GRM5: variants seen among roughly 807,000 people sequenced by gnomAD.
GRM5 encodes glutamate metabotropic receptor 5.
Under a neutral mutation model 83.1 loss-of-function variants are expected in GRM5, and 19 were observed. That is an observed-to-expected ratio of 0.23 (90% confidence interval 0.16 to 0.34). GRM5 has a LOEUF of 0.34. Among genes scored for constraint, GRM5 ranks in the 10% least tolerant of loss-of-function variants. GRM5 has a pLI of 1.00. For synonymous variants in GRM5, 675 were observed against 633.6 expected (o/e 1.07, Z -0.98); for missense variants, 1,160 against 1,588.3 (o/e 0.73, Z 4.58).
intron 8 of GRM5, among the ~76,000 whole-genome samples, chr11:88,536,349 T>C (rs937599568): frequency 2.0e-5 from 3 of 152,096 alleles, no homozygotes; most frequent in Non-Finnish European, 4.4e-5. Flanking sequence ...CAGATCCATA[T>C]ACAAGTAATC....
chr11:88,676,748 A>G (rs1940339114), intron 3 of GRM5, among the ~76,000 whole-genome samples: 1 of 152,060 alleles, frequency 6.6e-6, no homozygotes, highest in African/African-American at 2.4e-5. Flanking sequence ...AAATACTTTT[A>G]AAGTGAAAAT....
intron 2 of GRM5, among the ~76,000 whole-genome samples, chr11:88,856,941 G>A (rs12806161): frequency 0.41 from 61,494 of 151,788 alleles, 12,596 homozygotes; most frequent in East Asian, 0.49. Flanking sequence ...TGTGTAACAC[G>A]CATACTGATC....
chr11:88,950,295 A>G (rs1238339171), intron 2 of GRM5, among the ~76,000 whole-genome samples: 1 of 152,072 alleles, frequency 6.6e-6, no homozygotes, highest in Non-Finnish European at 1.5e-5. Context: ...ATTGAAAAAA[A>G]ATAGGTAAAT....
chr11:88,732,288 G>A (rs1046491793), intron 3 of GRM5, among the ~76,000 whole-genome samples: 12 of 152,182 alleles, frequency 7.9e-5, no homozygotes, highest in African/African-American at 2.9e-4. Flanking sequence ...ATCAATTAAT[G>A]TTTTTCGAAT....
chr11:88,632,584 T>C (rs1480581894), intron 4 of GRM5, among the ~76,000 whole-genome samples: 2 of 152,210 alleles, frequency 1.3e-5, no homozygotes, highest in Admixed American at 6.6e-5. Context: ...TAATATTCCA[T>C]TACATGAATA....
chr11:88,753,984 T>C (rs1470186180), intron 3 of GRM5, among the ~76,000 whole-genome samples: 1 of 152,070 alleles, frequency 6.6e-6, no homozygotes, highest in Non-Finnish European at 1.5e-5. Context: ...CCCCCATGAT[T>C]CAATTATCTC....
chr11:88,702,462 A>G (rs1396715634), intron 3 of GRM5, among the ~76,000 whole-genome samples: 1 of 151,962 alleles, frequency 6.6e-6, no homozygotes. Flanking sequence ...AAACCCCTAT[A>G]TTTGTTGTGA....
At position 88,941,465 on chromosome 11, in the gene GRM5, AAGAG is replaced by A. The variant is rs1180204496; in HGVS notation, c.662-91314_662-91311del. Among the ~76,000 whole-genome samples, 29 of 114,106 alleles carry A rather than the reference AAGAG, an allele frequency of 2.5e-4. No homozygotes were observed. In the East Asian group the frequency reaches 5.2e-3, roughly 20 times the overall value. The allele number at this position is 114,106 out of a possible 152,430, so 74.9% of individuals were successfully genotyped here. ...GGGAGAAGAGGGGAGAAGAGAAGAG[AAGAG>A]AAGAGGGGAGGGGAGAGGAGGGGAG... On this transcript the variant is annotated intron_variant, in intron 2 of 9. Coordinates refer to ENST00000305447, the MANE Select transcript of GRM5 (RefSeq NM_001143831.3).
At chr11:88,962,000 A>G (rs1271400320) in intron 2 of GRM5, among the ~76,000 whole-genome samples, 2 of 152,216 alleles carry the variant, frequency 1.3e-5, no homozygotes, top group Non-Finnish European at 2.9e-5. Context: ...TATCCCCACA[A>G]AAACTTGCAA....
At chr11:88,664,349 G>C (rs1939984355) in intron 3 of GRM5, among the ~76,000 whole-genome samples, 3 of 151,702 alleles carry the variant, frequency 2.0e-5, no homozygotes, top group Admixed American at 6.6e-5. Flanking sequence ...AAAATGGATG[G>C]TTGTGTCTGT....
rs201181291 is a variant in GRM5, at chr11:88,590,631, G to A, written c.1660C>T (p.Leu554=). 5 of 1,610,312 alleles carry A rather than the reference G, an allele frequency of 3.1e-6. No homozygotes were observed. In the African/African-American group the frequency reaches 6.7e-5, roughly 22 times the overall value. Residue 554 remains leucine, a synonymous_variant, in exon 7 of 10, where the codon CTG becomes TTG. Transcript: ENST00000305447. ...AGATCATCAGTGGGCCAAGACCCCAGTTGGCATGCCTTGCATGTGTACTCA... is the reference window on the plus strand; with the variant it reads ...AGATCATCAGTGGGCCAAGACCCCAATTGGCATGCCTTGCATGTGTACTCA... ...FDEYTCKACQ[L]GSWPTDDLTG...
chr11:88,985,139 C>A (rs1303334780), intron 2 of GRM5, among the ~76,000 whole-genome samples: 2 of 152,010 alleles, frequency 1.3e-5, no homozygotes, highest in Admixed American at 6.6e-5. Flanking sequence ...TTAATCTCAC[C>A]ATGTTTTTTA....
intron 2 of GRM5, among the ~76,000 whole-genome samples, chr11:88,884,517 CT>C (rs1945010319): frequency 6.6e-6 from 1 of 152,096 alleles, no homozygotes; most frequent in Non-Finnish European, 1.5e-5. Flanking sequence ...TGAGTTAAAC[CT>C]TTTGGGGACT....
At chr11:88,896,083 T>C (rs1945224428) in intron 2 of GRM5, among the ~76,000 whole-genome samples, 1 of 151,966 alleles carries the variant, frequency 6.6e-6, no homozygotes, top group Non-Finnish European at 1.5e-5. Context: ...GTAATATGTA[T>C]TGAAAGTTTT....
chr11:88,850,220 T>G (rs1218760874), intron 2 of GRM5, 65 bp from the exon 3 acceptor site: 19 of 711,410 alleles, frequency 2.7e-5, no homozygotes, highest in Non-Finnish European at 3.5e-5. Context: ...TTGGGTATAA[T>G]CAGAATGCAG....
At position 88,604,890 on chromosome 11, in the gene GRM5, C is replaced by A. The variant is rs529639546; in HGVS notation, c.1222G>T (p.Ala408Ser). The change falls in exon 5 of 10, where the codon GCC (alanine) becomes TCC (serine). Residue 408 changes from alanine (A) to serine (S), a missense_variant. Coordinates refer to ENST00000305447, the MANE Select transcript of GRM5 (RefSeq NM_001143831.3). ...GFVINAIYSMAYGLHNMQMSL... is the reference protein window; with the variant it reads ...GFVINAIYSMSYGLHNMQMSL... The stretch of plus-strand genomic sequence containing the variant: ...ATCTGCATGTTGTGGAGCCCATAGG[C>A]CATCGAATAGATGGCGTTGATCACA... 1 of 1,612,876 alleles carries A rather than the reference C, an allele frequency of 6.2e-7. No individual in the cohort carries two copies. Among genetic ancestry groups the A allele is most frequent in the African/African-American group, 1.3e-5 (1 of 74,986 alleles).
chr11:88,907,141 C>T (rs1288325979), intron 2 of GRM5, among the ~76,000 whole-genome samples: 2 of 151,788 alleles, frequency 1.3e-5, no homozygotes, highest in Non-Finnish European at 2.9e-5. Flanking sequence ...GGCCACATGT[C>T]CTCATCTATA....
At chr11:88,844,722 T>A (rs1649606441) in intron 3 of GRM5, among the ~76,000 whole-genome samples, 1 of 152,182 alleles carries the variant, frequency 6.6e-6, no homozygotes, top group African/African-American at 2.4e-5. Flanking sequence ...GGTAAAAATA[T>A]CAGCAACAGG....
intron 3 of GRM5, among the ~76,000 whole-genome samples, chr11:88,792,747 A>G (rs1309239435): frequency 6.6e-6 from 1 of 152,116 alleles, no homozygotes; most frequent in Non-Finnish European, 1.5e-5. Flanking sequence ...TCTGAGGTGA[A>G]ATACTGCTTT....
Sources: allele counts gnomAD v4.1 joint callset (sites outside exome capture counted in the v4.1 genomes callset), GRCh38; gene constraint gnomAD v4.1.1; transcripts MANE v1.5; gene names NCBI Gene and HGNC (gene_info 2026-07-23, HGNC 2026-07-21).